Variants in FASN observed in about 807,000 individuals in gnomAD.
FASN encodes fatty acid synthase, also known as 3-hydroxyacyl-[acyl-carrier-protein] dehydratase.
FASN carries 50 observed loss-of-function variants against 250.0 expected under a neutral mutation model. The ratio of observed to expected loss-of-function variants is 0.20; its 90% CI spans 0.16 to 0.25. The LOEUF is 0.25. Ranked by LOEUF, FASN falls within the 10% of genes least tolerant of loss-of-function variation. The pLI, the probability that FASN is intolerant of heterozygous loss-of-function variation, is 1.00. For synonymous variants in FASN, 1,909 were observed against 1,584.0 expected (o/e 1.21, Z -4.87); for missense variants, 3,031 against 3,498.5 (o/e 0.87, Z 3.37).
In FASN at chr17:82,082,965, G is replaced by T. The variant is rs552718054; in HGVS notation, c.5716C>A (p.Gln1906Lys). Residue 1906 changes from glutamine (Q) to lysine (K), a missense_variant, in exon 33 of 43, where the codon CAG becomes AAG. Coordinates refer to ENST00000306749, the MANE Select transcript of FASN (RefSeq NM_004104.5). ...FGLELAQWLIQRGVQKLVLTS... is the reference protein window; with the variant it reads ...FGLELAQWLIKRGVQKLVLTS... ...AACACGAGCTTCTGCACCCCACGCT[G>T]TATCAGCCACTGCGCCAACTCCAGG... 1.2e-6 allele frequency: 2 copies of T among 1,612,836 alleles called. No homozygotes were observed. The highest frequency in any genetic ancestry group is 2.7e-5 in the African/African-American group (2 of 75,022).
At position 82,078,679 on chromosome 17, in the gene FASN, C is replaced by T. The variant is rs375894506; in HGVS notation, c.*464G>A. On this transcript the variant is annotated 3_prime_UTR_variant, in exon 43 of 43. Transcript: ENST00000306749. This position sits in a 1 kb window ranked among gnomAD's most constrained non-coding sequence, Gnocchi z 5.4. ...AGCCAATGCCTGGCCGAGAGGGGGC[C>T]GCAGCCAGCAGGCTTGGGTGGCTGC... 270 of 241,182 alleles carry T rather than the reference C, an allele frequency of 1.1e-3. 1 individual carries two copies. The highest frequency in any genetic ancestry group is 5.7e-3 in the African/African-American group (250 of 43,698). The allele number at this position is 241,182 out of a possible 1,614,324, so 14.9% of individuals were successfully genotyped here.
intron 3 of FASN, among the ~76,000 whole-genome samples, chr17:82,094,746 G>A (rs889071017): frequency 4.0e-5 from 6 of 151,552 alleles, no homozygotes; most frequent in African/African-American, 9.7e-5. Context: ...CTGAGATCGC[G>A]CCACTGCACT....
chr17:82,091,757 C>G (rs964371161), intron 8 of FASN, 73 bp from the exon 9 acceptor site: 1 of 1,347,486 alleles, frequency 7.4e-7, no homozygotes, highest in Non-Finnish European at 1.0e-6. Context: ...GCAGGCACCT[C>G]CCCGAGACTC....
rs1321675065 is a variant in FASN, at chr17:82,082,924, C to T, written c.5757G>A (p.Gly1919=). 6 of 1,612,664 alleles carry T rather than the reference C, an allele frequency of 3.7e-6. No homozygotes were observed. The highest frequency in any genetic ancestry group is 2.7e-5 in the African/African-American group (2 of 74,936). Residue 1919 remains glycine (G), a synonymous_variant, in exon 33 of 43, where the codon GGG becomes GGA. Coordinates refer to ENST00000306749, the MANE Select transcript of FASN (RefSeq NM_004104.5). The stretch of plus-strand genomic sequence containing the variant: ...CCCCTGCCGACTCACCTGTCCGGAT[C>T]CCGGAGCGAGAAGTCAACACGAGCT... The part of the protein sequence containing the change: ...VQKLVLTSRS[G]IRTGYQAKQV...
rs865990352 is a variant in FASN at position 82,085,862 on chromosome 17, C to T, written c.3742G>A (p.Gly1248Ser). The T allele has an allele frequency of 2.6e-6, 4 of 1,543,454 alleles. No homozygotes were observed. Among genetic ancestry groups the T allele is most frequent in the Non-Finnish European group, 3.5e-6 (4 of 1,149,854 alleles). The change falls in exon 23 of 43, where the codon GGC (glycine) becomes AGC (serine). Residue 1248 changes from glycine to serine, a missense_variant. By Grantham distance (56) the Gly-to-Ser change is moderately conservative (BLOSUM62 0). Transcript: ENST00000306749. ...LKMKVVEVLA[G>S]HGHLYSRIPG... ...ATGCGGGAATACAGGTGACCGTGGC[C>T]AGCCAGCACCTGTAGGGGGTGAATT...
Position 82,085,019 on chromosome 17 carries a change from G to T in FASN, c.4409+16C>A. On this transcript the variant is annotated intron_variant, in intron 25 of 42. Coordinates refer to ENST00000306749, the MANE Select transcript of FASN (RefSeq NM_004104.5). ...GCTGGTGGGGAAGGGGAAGTGGTGA[G>T]GGGCCGTGCTCCTACCGGAGGCGGT... 6.2e-7 allele frequency: 1 copy of T among 1,601,314 alleles called. No individual in the cohort carries two copies. The highest frequency in any genetic ancestry group is 1.1e-5 in the South Asian group (1 of 89,776).
At chr17:82,097,254 C>T (rs1425317739) in intron 1 of FASN, 7 of 152,884 alleles carry the variant, frequency 4.6e-5, no homozygotes, top group Non-Finnish European at 1.0e-4. Flanking sequence ...CTCCCCATAC[C>T]AACCCACACA....
intron 8 of FASN, among the ~76,000 whole-genome samples, 172 bp downstream of exon 8, chr17:82,092,283 G>A (rs376740735): frequency 1.3e-5 from 2 of 152,232 alleles, no homozygotes; most frequent in Non-Finnish European, 2.9e-5. Flanking sequence ...TCTCCCTGCT[G>A]TCAGCCTCAG....
At chr17:82,082,706 C>G in intron 33 of FASN, 28 bp from the exon 34 acceptor site, 1 of 1,604,530 alleles carries the variant, frequency 6.2e-7, no homozygotes, top group Middle Eastern at 1.8e-4. Flanking sequence ...GTGGGCTGGA[C>G]TGGGCCAGGG....
rs112359298 is a variant in FASN at position 82,080,317 on chromosome 17, G to A, written c.7047+53C>T. ...GACGGTCCCCCAAAGCCAGGGCACA[G>A]GTGGGGAGCCCAGACGTTTGCCGTA... On this transcript the variant is annotated intron_variant, in intron 40 of 42. Coordinates refer to ENST00000306749, the MANE Select transcript of FASN (RefSeq NM_004104.5). 1.8e-3 allele frequency: 2,830 copies of A among 1,610,172 alleles called. 50 individuals carry two copies. The African/African-American group carries it at 0.031, about 18-fold the overall frequency.
Position 82,082,606 on chromosome 17 carries a change from C to T in FASN, c.5840G>A (p.Ser1947Asn), listed in dbSNP as rs1460152995. 1.2e-6 allele frequency: 2 copies of T among 1,610,588 alleles called. No homozygotes were observed. Among genetic ancestry groups the T allele is most frequent in the Non-Finnish European group, 1.7e-6 (2 of 1,179,912 alleles). Reference protein sequence around the residue: ...VQVQVSTSNISSLEGARGLIA... With the variant: ...VQVQVSTSNINSLEGARGLIA... ...GAGGCCCCGGGCCCCCTCCAGTGAGCTGATGTTGCTGGTGGACACCTGCAC... is the reference window on the plus strand; with the variant it reads ...GAGGCCCCGGGCCCCCTCCAGTGAGTTGATGTTGCTGGTGGACACCTGCAC... The change falls in exon 34 of 43, where the codon AGC becomes AAC. Residue 1947 changes from serine to asparagine, a missense_variant. Transcript: ENST00000306749.
At position 82,088,023 on chromosome 17, in the gene FASN, G is replaced by C; in HGVS notation, c.2797C>G (p.Leu933Val). 1.9e-6 allele frequency: 3 copies of C among 1,612,780 alleles called. No homozygotes were observed. The highest frequency in any genetic ancestry group is 2.5e-6 in the Non-Finnish European group (3 of 1,179,982). ...GAGGCCTCCAGGAGCCGTACCTCCA[G>C]GGACACTGTCCCTGCAGAGCGGGAG... ...TILPKTGTVS[L>V]EVRLLEASRA... Residue 933 changes from leucine (L) to valine (V), a missense_variant, in exon 18 of 43, where the codon CTG becomes GTG. Physicochemically the swap from Leu to Val is conservative, Grantham distance 32. Transcript: ENST00000306749.
Position 82,083,845 on chromosome 17 carries a change from G to A in FASN, c.5145C>T (p.Leu1715=), listed in dbSNP as rs369836055. The change falls in exon 30 of 43, where the codon CTC becomes CTT. Residue 1715 remains leucine, a synonymous_variant. Transcript: ENST00000306749. ...GGGAGTTGGCGAAGCTGGTGCTGTC[G>A]AGCTGGGGGAACCTGGCCTGGAGGT... is the stretch of plus-strand genomic sequence containing the variant. ...RAYLQARFPQ[L]DSTSFANSRD... The A allele has an allele frequency of 1.8e-5, 29 of 1,596,986 alleles. No homozygotes were observed. Among genetic ancestry groups the A allele is most frequent in the African/African-American group, 6.7e-5 (5 of 74,976 alleles).
rs202206277 is a variant in FASN at position 82,088,870 on chromosome 17, G to T, written c.2311C>A (p.Leu771Met). 41 of 1,612,300 alleles carry T rather than the reference G, an allele frequency of 2.5e-5. No homozygotes were observed. Among genetic ancestry groups the T allele is most frequent in the Non-Finnish European group, 3.4e-5 (40 of 1,179,736 alleles). The change falls in exon 15 of 43, where the codon CTG becomes ATG. Residue 771 changes from leucine (L) to methionine (M), a missense_variant. Coordinates refer to ENST00000306749, the MANE Select transcript of FASN (RefSeq NM_004104.5). ...CAGCTCGGCTTCAGGCCACGCTTCAGGACAGCCTGGGGGCGGCAGGGCAGG... is the reference window on the plus strand; with the variant it reads ...CAGCTCGGCTTCAGGCCACGCTTCATGACAGCCTGGGGGCGGCAGGGCAGG... ...IAPHALLQAVLKRGLKPSCTI... is the reference protein window; with the variant it reads ...IAPHALLQAVMKRGLKPSCTI...
At chr17:82,085,459 G>C (rs1170778627) in intron 23 of FASN, 23 bp downstream of exon 23, 1 of 1,592,418 alleles carries the variant, frequency 6.3e-7, no homozygotes. Context: ...CCCCCACCCT[G>C]TCCCCCTGCC....
rs373700356 is a variant in FASN at position 82,093,033 on chromosome 17, C to T, written c.656-14G>A. ...AGTACCCATTCCCTGGGTAGAGCAG[C>T]ACCTCAGGCCCGGGGCTCAGCCCCA... On this transcript the variant is annotated splice_polypyrimidine_tract_variant and intron_variant, in intron 5 of 42. Coordinates refer to ENST00000306749, the MANE Select transcript of FASN (RefSeq NM_004104.5). 1.9e-6 allele frequency: 3 copies of T among 1,611,294 alleles called. No homozygotes were observed. The highest frequency in any genetic ancestry group is 2.5e-6 in the Non-Finnish European group (3 of 1,179,722).
chr17:82,092,994 A>T lies in FASN; in HGVS notation c.681T>A (p.Gly227=). ...TCTTGGTCAGCAGGACGGCCACCAC[A>T]CCCTCCGAGCGGCAGTACCCATTCC... The part of the protein sequence containing the change: ...TAGNGYCRSE[G]VVAVLLTKKS... The change falls in exon 6 of 43, where the codon GGT becomes GGA. Residue 227 remains glycine, a synonymous_variant. Coordinates refer to ENST00000306749, the MANE Select transcript of FASN (RefSeq NM_004104.5). The T allele has an allele frequency of 6.2e-7, 1 of 1,611,766 alleles. No individual in the cohort carries two copies. The highest frequency in any genetic ancestry group is 8.5e-7 in the Non-Finnish European group (1 of 1,179,736).
At chr17:82,097,693 G>T in intron 1 of FASN, among the ~76,000 whole-genome samples, 1 of 152,090 alleles carries the variant, frequency 6.6e-6, no homozygotes, top group East Asian at 1.9e-4. Context: ...TGGGGAGGCC[G>T]GTCCCGGCGC....
chr17:82,082,096 G>A lies in FASN; in HGVS notation c.6076C>T (p.Arg2026Cys), dbSNP rs369778189. The A allele has an allele frequency of 3.7e-6, 6 of 1,609,202 alleles. No individual in the cohort carries two copies. Among genetic ancestry groups the A allele is most frequent in the East Asian group, 2.2e-5 (1 of 44,900 alleles). The change falls in exon 36 of 43, where the codon CGT (arginine) becomes TGT (cysteine). Residue 2026 changes from arginine (R) to cysteine (C), a missense_variant. By Grantham distance (180) the Arg-to-Cys change is radical. Coordinates refer to ENST00000306749, the MANE Select transcript of FASN (RefSeq NM_004104.5). ...FVVFSSVSCG[R>C]GNAGQSNYGF... ...TAGTTGCTCTGTCCCGCATTGCCAC[G>A]CCCGCAGCTCACAGAGGAGAAGACC... is the stretch of plus-strand genomic sequence containing the variant.
Sources: allele counts gnomAD v4.1 joint callset (sites outside exome capture counted in the v4.1 genomes callset), GRCh38; gene constraint gnomAD v4.1.1; non-coding constraint Gnocchi (gnomAD v3.1); transcripts MANE v1.5; gene names NCBI Gene and HGNC (gene_info 2026-07-23, HGNC 2026-07-21).